NHEJ1: variants seen among roughly 807,000 people sequenced by gnomAD.
The protein encoded by NHEJ1 is non-homologous end joining factor 1.
A neutral mutation model predicts 39.4 loss-of-function variants in NHEJ1; 22 were observed. The observed-to-expected ratio is 0.56, with a 90% CI of 0.40 to 0.80. The LOEUF (loss-of-function observed/expected upper bound fraction) is 0.80, where lower values mean the gene tolerates loss of function less well. Ranked by LOEUF, NHEJ1 falls within the 30% of genes least tolerant of loss-of-function variation. The pLI, the probability that NHEJ1 is intolerant of heterozygous loss-of-function variation, is 0.00. For missense variants in NHEJ1, 329 were observed against 357.1 expected (o/e 0.92, Z 0.63); for synonymous variants, 154 against 135.6 (o/e 1.14, Z -0.94).
chr2:219,141,515 G>A (rs570068038), intron 5 of NHEJ1, among the ~76,000 whole-genome samples: 1 of 152,098 alleles, frequency 6.6e-6, no homozygotes, highest in Non-Finnish European at 1.5e-5. Context: ...TAAGGACAAA[G>A]AGGAAAGTGA....
Position 219,073,826 on chromosome 2 carries a change from A to G in NHEJ1, c.*2555T>C, listed in dbSNP as rs777439975. ...GCTTTATTAAACACAGGGAAAACTA[A>G]TATTTACGGAATAAAATTTATGGAG... On this transcript the variant is annotated 3_prime_UTR_variant, in exon 8 of 8. Transcript: ENST00000356853. Among the ~76,000 whole-genome samples the G allele has an allele frequency of 5.3e-5, 8 of 152,240 alleles. No homozygotes were observed. Among genetic ancestry groups the G allele is most frequent in the Non-Finnish European group, 1.2e-4 (8 of 68,046 alleles).
rs575808672 is a variant in NHEJ1, at chr2:219,120,724, C to T, written c.588+25956G>A. On this transcript the variant is annotated intron_variant, in intron 5 of 7. Coordinates refer to ENST00000356853, the MANE Select transcript of NHEJ1 (RefSeq NM_024782.3). ...GTCAACTTGGGAAATATGTGGGGCT[C>T]CATCAAGTATACTGCCATTTGTAGA... 3.9e-5 allele frequency among the ~76,000 whole-genome samples: 6 copies of T among 152,244 alleles called. No homozygotes were observed. The South Asian group carries it at 1.2e-3, about 32-fold the overall frequency.
intron 5 of NHEJ1, among the ~76,000 whole-genome samples, chr2:219,109,238 AGG>A (rs559289909): frequency 2.9e-3 from 440 of 152,308 alleles, no homozygotes; most frequent in Middle Eastern, 0.02. Context: ...ATAATATGCC[AGG>A]GATTCTGGTT....
At chr2:219,102,869 G>C (rs1949276833) in intron 5 of NHEJ1, 1 of 149,888 alleles carries the variant, frequency 6.7e-6, no homozygotes, top group African/African-American at 2.5e-5. Context: ...GCCGGGCGTA[G>C]TGGCGGGCGC....
rs1207118724 is a variant in NHEJ1 at position 219,071,876 on chromosome 2, T to G, written c.*4505A>C. The stretch of plus-strand genomic sequence containing the variant: ...TCTGTTGGGCTCCAAATAGAGAAAC[T>G]GAGTGGGGTGGGACTTAATAGCTCA... On this transcript the variant is annotated 3_prime_UTR_variant, in exon 8 of 8. Transcript: ENST00000356853. Among the ~76,000 whole-genome samples, 1 of 152,150 alleles carries G rather than the reference T, an allele frequency of 6.6e-6. No homozygotes were observed. The highest frequency in any genetic ancestry group is 1.9e-4 in the East Asian group (1 of 5,200).
chr2:219,101,819 G>A (rs533725541), intron 5 of NHEJ1, among the ~76,000 whole-genome samples: 7 of 151,144 alleles, frequency 4.6e-5, no homozygotes, highest in South Asian at 2.1e-4. Flanking sequence ...TCTGCCTCCC[G>A]GGTTCAAGCA....
chr2:219,115,400 T>G (rs1436033490), intron 5 of NHEJ1, among the ~76,000 whole-genome samples: 2 of 152,010 alleles, frequency 1.3e-5, no homozygotes, highest in Non-Finnish European at 2.9e-5. Flanking sequence ...AAAGCTATGA[T>G]GATTAGAGGG....
chr2:219,098,251 G>C (rs1949226146), intron 5 of NHEJ1, among the ~76,000 whole-genome samples: 1 of 152,238 alleles, frequency 6.6e-6, no homozygotes. Context: ...CTTGTAAGGA[G>C]TTTTGTAGTG....
intron 5 of NHEJ1, among the ~76,000 whole-genome samples, chr2:219,080,547 AAAAAT>A (rs1348470329): frequency 7.7e-6 from 1 of 130,168 alleles, no homozygotes; most frequent in African/African-American, 3.3e-5. Flanking sequence ...ATAAATAAAT[AAAAAT>A]ATATATATAT....
chr2:219,137,586 A>C (rs1368550859), intron 5 of NHEJ1, among the ~76,000 whole-genome samples: 18 of 138,812 alleles, frequency 1.3e-4, no homozygotes, highest in Admixed American at 3.7e-4. Context: ...AAAAAAAAAA[A>C]AAAAAACAAA....
intron 5 of NHEJ1, among the ~76,000 whole-genome samples, chr2:219,117,457 C>T (rs1949426207): frequency 6.6e-6 from 1 of 152,204 alleles, no homozygotes. Flanking sequence ...GATGCCAATT[C>T]TTCATGGGGC....
At chr2:219,153,776 A>C (rs1253353055) in intron 3 of NHEJ1, among the ~76,000 whole-genome samples, 1 of 151,884 alleles carries the variant, frequency 6.6e-6, no homozygotes, top group Non-Finnish European at 1.5e-5. Context: ...ACCCTTGCAG[A>C]CTTAGAAACC....
chr2:219,116,757 T>A lies in NHEJ1; in HGVS notation c.588+29923A>T, dbSNP rs1318860371. On this transcript the variant is annotated intron_variant, in intron 5 of 7. Coordinates refer to ENST00000356853, the MANE Select transcript of NHEJ1 (RefSeq NM_024782.3). ...GAAAGAAAATGGGGATGGGCACCCT[T>A]GTATATGGCTATAGGAAGGAAAGGA... is the stretch of plus-strand genomic sequence containing the variant. Among the ~76,000 whole-genome samples, 4 of 152,278 alleles carry A rather than the reference T, an allele frequency of 2.6e-5. No homozygotes were observed. The East Asian group carries it at 7.7e-4, about 29-fold the overall frequency.
chr2:219,104,029 C>A (rs114322038), intron 5 of NHEJ1, among the ~76,000 whole-genome samples: 1 of 151,952 alleles, frequency 6.6e-6, no homozygotes, highest in Admixed American at 6.6e-5. Context: ...TTATTCTTAC[C>A]CAAACATTTT....
chr2:219,093,898 TG>T (rs1184969210), intron 5 of NHEJ1, among the ~76,000 whole-genome samples: 3 of 152,210 alleles, frequency 2.0e-5, no homozygotes, highest in Non-Finnish European at 4.4e-5. Context: ...GGAACGTGTG[TG>T]GAGGAAATCT....
chr2:219,084,939 G>C (rs1949098441), intron 5 of NHEJ1, among the ~76,000 whole-genome samples: 2 of 152,334 alleles, frequency 1.3e-5, no homozygotes, highest in South Asian at 4.1e-4. Flanking sequence ...ATTTTAGCAA[G>C]AGTATTCTGC....
At chr2:219,141,593 T>G (rs1179494835) in intron 5 of NHEJ1, among the ~76,000 whole-genome samples, 1 of 152,078 alleles carries the variant, frequency 6.6e-6, no homozygotes, top group Non-Finnish European at 1.5e-5. Context: ...ATAAGGAATA[T>G]AAGAGAAATA....
At chr2:219,099,707 C>T (rs752820473) in intron 5 of NHEJ1, among the ~76,000 whole-genome samples, 1 of 151,968 alleles carries the variant, frequency 6.6e-6, no homozygotes, top group Non-Finnish European at 1.5e-5. Context: ...AGTAAGAGGA[C>T]TATGAAAGAA....
chr2:219,095,536 T>C (rs917907569), intron 5 of NHEJ1, among the ~76,000 whole-genome samples: 2 of 152,214 alleles, frequency 1.3e-5, no homozygotes, highest in Non-Finnish European at 2.9e-5. Flanking sequence ...AAAGACTCCT[T>C]AGCCTCTGCC....
Sources: allele counts gnomAD v4.1 joint callset (sites outside exome capture counted in the v4.1 genomes callset), GRCh38; gene constraint gnomAD v4.1.1; transcripts MANE v1.5; gene names NCBI Gene and HGNC (gene_info 2026-07-23, HGNC 2026-07-21).